The following AMPH variants were observed in gnomAD, a reference collection of about 807,000 sequenced individuals.
The protein encoded by AMPH is amphiphysin (Stiff-Mann syndrome with breast cancer 128kD autoantigen).
AMPH carries 49 observed loss-of-function variants against 99.1 expected under a neutral mutation model. That is an observed-to-expected ratio of 0.49 (90% CI 0.39 to 0.63). The LOEUF is 0.63. Ranked by LOEUF, AMPH falls within the 20% of genes least tolerant of loss-of-function variation. AMPH has a pLI of 0.00. For missense variants in AMPH, 759 were observed against 863.4 expected, an observed-to-expected ratio of 0.88 and a Z score of 1.52; for synonymous variants, 314 against 317.3, an observed-to-expected ratio of 0.99 and a Z score of 0.11.
Position 38,506,220 on chromosome 7 carries a change from C to T in AMPH, c.151-2516G>A, listed in dbSNP as rs189246357. 2.7e-4 allele frequency among the ~76,000 whole-genome samples: 41 copies of T among 152,296 alleles called. No individual in the cohort carries two copies. The East Asian group carries it at 7.5e-3, about 28-fold the overall frequency. On this transcript the variant is annotated intron_variant, in intron 2 of 20. Coordinates refer to ENST00000356264, the MANE Select transcript of AMPH (RefSeq NM_001635.4). ...CTACCATGGCATAACCTAGCCCAAA[C>T]TGCCCAGTAAAATGATTCACCATCA...
intron 11 of AMPH, among the ~76,000 whole-genome samples, chr7:38,443,587 T>C (rs1249508409): frequency 6.6e-6 from 1 of 152,054 alleles, no homozygotes. Context: ...ATTAACAAAC[T>C]ATAAAGAAAA....
rs1359177251 is a variant in AMPH at position 38,454,569 on chromosome 7, A to G, written c.1017+6714T>C. On this transcript the variant is annotated intron_variant, in intron 11 of 20. Transcript: ENST00000356264. ...ACACAAAAAACAGCCACTAGCAGGA[A>G]CAGGCCTGCAAGTAGCTGCGGTGGG... 3.9e-5 allele frequency among the ~76,000 whole-genome samples: 6 copies of G among 152,122 alleles called. 1 individual carries two copies. Among genetic ancestry groups the G allele is most frequent in the African/African-American group, 1.2e-4 (5 of 41,446 alleles).
chr7:38,443,781 T>C (rs1786648560), intron 11 of AMPH, among the ~76,000 whole-genome samples: 1 of 151,950 alleles, frequency 6.6e-6, no homozygotes, highest in African/African-American at 2.4e-5. Context: ...TCCTCTAAGA[T>C]CAAGACAAGG....
chr7:38,435,894 G>A (rs1562753383), intron 12 of AMPH, among the ~76,000 whole-genome samples: 1 of 152,272 alleles, frequency 6.6e-6, no homozygotes, highest in East Asian at 1.9e-4. Flanking sequence ...GTATGAGGAA[G>A]GGAAGTAGAG....
rs75683743 is a variant in AMPH, at chr7:38,606,008, T to A, written c.69+25275A>T. On this transcript the variant is annotated intron_variant, in intron 1 of 20. Coordinates refer to ENST00000356264, the MANE Select transcript of AMPH (RefSeq NM_001635.4). ...AACTGTGTGGTGTAGAAAACGCTCG[T>A]GTCCTTACATTACAAATCAAGAAAT... Among the ~76,000 whole-genome samples, 423 of 152,308 alleles carry A rather than the reference T, an allele frequency of 2.8e-3. 2 individuals are homozygous for A. The highest frequency in any genetic ancestry group is 9.6e-3 in the African/African-American group (401 of 41,562).
At chr7:38,587,914 C>CTCTGTGTGTGTGTG (rs1331025058) in intron 1 of AMPH, among the ~76,000 whole-genome samples, 1 of 126,198 alleles carries the variant, frequency 7.9e-6, no homozygotes, top group African/African-American at 2.7e-5. Flanking sequence ...TTATTAATTA[C>CTCTGTGTGTGTGTG]TGTGTGTGTG....
intron 1 of AMPH, among the ~76,000 whole-genome samples, chr7:38,616,563 C>A (rs1311757459): frequency 6.6e-6 from 1 of 152,106 alleles, no homozygotes. Context: ...CCTTATTCAC[C>A]ATAGCCTAAT....
intron 17 of AMPH, among the ~76,000 whole-genome samples, chr7:38,398,480 T>C (rs1008109319): frequency 6.6e-6 from 1 of 152,148 alleles, no homozygotes; most frequent in Non-Finnish European, 1.5e-5. Context: ...TATTTCTAGG[T>C]GCTAAAAAGT....
chr7:38,558,134 G>A (rs919686771), intron 1 of AMPH, among the ~76,000 whole-genome samples: 1 of 152,174 alleles, frequency 6.6e-6, no homozygotes, highest in African/African-American at 2.4e-5. Flanking sequence ...TGAATTTTCA[G>A]AATGCTCCAT....
chr7:38,417,451 T>C lies in AMPH; in HGVS notation c.1398+374A>G, dbSNP rs182398487. Among the ~76,000 whole-genome samples, 18 of 152,336 alleles carry C rather than the reference T, an allele frequency of 1.2e-4. 1 individual carries two copies. In the East Asian group the frequency reaches 3.5e-3, roughly 29 times the overall value. On this transcript the variant is annotated intron_variant, in intron 17 of 20. Transcript: ENST00000356264. Reference sequence around the variant, plus strand: ...AAACTAATATTGTAAGTAATCAATATGTACACACAATGAACAAAGTTATTA... The same window carrying C: ...AAACTAATATTGTAAGTAATCAATACGTACACACAATGAACAAAGTTATTA...
chr7:38,387,996 T>C (rs73118115), intron 20 of AMPH, among the ~76,000 whole-genome samples: 30,198 of 152,050 alleles, frequency 0.2, 3,183 homozygotes, highest in Non-Finnish European at 0.22. Flanking sequence ...CAACTCAGAT[T>C]TCTACCTTAG....
chr7:38,463,220 G>A, intron 9 of AMPH, 107 bp from the exon 10 acceptor site: 1 of 1,457,778 alleles, frequency 6.9e-7, no homozygotes, highest in Non-Finnish European at 9.6e-7. Flanking sequence ...GGTACTGTCT[G>A]TTGTCCTGCT....
At chr7:38,543,758 T>A (rs1471564272) in intron 1 of AMPH, among the ~76,000 whole-genome samples, 1 of 152,198 alleles carries the variant, frequency 6.6e-6, no homozygotes, top group Non-Finnish European at 1.5e-5. Flanking sequence ...ATGATCTTTC[T>A]GGAATAGTGT....
chr7:38,563,054 G>C (rs1043469066), intron 1 of AMPH, among the ~76,000 whole-genome samples: 1 of 152,190 alleles, frequency 6.6e-6, no homozygotes, highest in Non-Finnish European at 1.5e-5. Flanking sequence ...GAATTAAAAT[G>C]TGTTTTCTAA....
At chr7:38,586,629 T>C (rs58676774) in intron 1 of AMPH, among the ~76,000 whole-genome samples, 42,776 of 152,046 alleles carry the variant, frequency 0.28, 6,415 homozygotes, top group Non-Finnish European at 0.34. Flanking sequence ...CTAGAGCTGA[T>C]GCAGAGTACA....
chr7:38,606,248 C>T (rs543466735), intron 1 of AMPH, among the ~76,000 whole-genome samples: 13 of 152,254 alleles, frequency 8.5e-5, no homozygotes, highest in Admixed American at 4.6e-4. Context: ...ACCATTGTAA[C>T]CCTTTTTAAA....
rs1255988646 is a variant in AMPH, at chr7:38,440,283, GA to G, written c.1018-3896del. 1.1e-3 allele frequency among the ~76,000 whole-genome samples: 171 copies of G among 152,316 alleles called. 1 individual carries two copies. Among genetic ancestry groups the G allele is most frequent in the Non-Finnish European group, 1.0e-3 (68 of 68,024 alleles). ...AAAAGACAGTGAGGCAAAGTACTGA[GA>G]AAAAGAAACTGCCAACTTATAATTA... is the stretch of plus-strand genomic sequence containing the variant. On this transcript the variant is annotated intron_variant, in intron 11 of 20. Transcript: ENST00000356264.
chr7:38,599,520 G>A (rs1309630903), intron 1 of AMPH, among the ~76,000 whole-genome samples: 1 of 152,174 alleles, frequency 6.6e-6, no homozygotes, highest in Non-Finnish European at 1.5e-5. Context: ...CTAATCAACT[G>A]TTTGTACTAT....
Position 38,559,667 on chromosome 7 carries a change from A to C in AMPH, c.70-24656T>G, listed in dbSNP as rs1247326253. Among the ~76,000 whole-genome samples, 5 of 152,344 alleles carry C rather than the reference A, an allele frequency of 3.3e-5. No individual in the cohort carries two copies. The East Asian group carries it at 9.6e-4, about 29-fold the overall frequency. Reference sequence around the variant, plus strand: ...CACTTAAGCCTCACAAATACCCTATAATATAGGTACATTACTAGTCCCATT... The same window carrying C: ...CACTTAAGCCTCACAAATACCCTATCATATAGGTACATTACTAGTCCCATT... On this transcript the variant is annotated intron_variant, in intron 1 of 20. Coordinates refer to ENST00000356264, the MANE Select transcript of AMPH (RefSeq NM_001635.4).
Sources: allele counts gnomAD v4.1 joint callset (sites outside exome capture counted in the v4.1 genomes callset), GRCh38; gene constraint gnomAD v4.1.1; transcripts MANE v1.5; gene names NCBI Gene and HGNC (gene_info 2026-07-23, HGNC 2026-07-21).